Variants in DNMT3A observed in about 807,000 individuals in gnomAD.
DNMT3A encodes DNA (cytosine-5)-methyltransferase 3A.
A neutral mutation model predicts 117.6 loss-of-function variants in DNMT3A; 267 were observed. That is an observed-to-expected ratio of 2.27 (90% CI 2.05 to 2.51). DNMT3A has a LOEUF of 2.51. Ranked by LOEUF, DNMT3A falls within the 30% of genes most tolerant of loss-of-function variation. DNMT3A has a pLI of 0.00. For synonymous variants in DNMT3A, 432 were observed against 474.8 expected (o/e 0.91, Z 1.17); for missense variants, 1,029 against 1,260.2 (o/e 0.82, Z 2.78).
chr2:25,237,064 C>A lies in DNMT3A; in HGVS notation c.2409-59G>T. 6.4e-7 allele frequency: 1 copy of A among 1,566,828 alleles called. No individual in the cohort carries two copies. The highest frequency in any genetic ancestry group is 1.1e-5 in the South Asian group (1 of 87,362). ...ACCTGGATAACAGCGGGAAGGGCCC[C>A]AGCTGCACGACTCCCCTCCCTCCCC... On this transcript the variant is annotated intron_variant, in intron 20 of 22. Transcript: ENST00000321117. This position sits in a 1 kb window ranked among gnomAD's most constrained non-coding sequence, Gnocchi z 5.4.
Position 25,244,283 on chromosome 2 carries a change from C to G in DNMT3A, c.1723G>C (p.Ala575Pro). Reference sequence around the variant, plus strand: ...CAGTTCCAGGGGTCTTCCTTAATGGCTGCCTGGGCAGCCCCCGGCCCCACC... The same window carrying G: ...CAGTTCCAGGGGTCTTCCTTAATGGGTGCCTGGGCAGCCCCCGGCCCCACC... ...LLVGPGAAQA[A>P]IKEDPWNCYM... Residue 575 changes from alanine (A) to proline (P), a missense_variant, in exon 15 of 23, where the codon GCC becomes CCC. Coordinates refer to ENST00000321117, the MANE Select transcript of DNMT3A (RefSeq NM_022552.5). 4 of 1,612,992 alleles carry G rather than the reference C, an allele frequency of 2.5e-6. No homozygotes were observed. Among genetic ancestry groups the G allele is most frequent in the Non-Finnish European group, 3.4e-6 (4 of 1,179,578 alleles).
rs1173115230 is a variant in DNMT3A at position 25,228,491 on chromosome 2, A to G, written c.*5788T>C. 1 of 152,016 alleles carries G rather than the reference A, an allele frequency of 6.6e-6. No homozygotes were observed. The highest frequency in any genetic ancestry group is 1.9e-4 in the East Asian group (1 of 5,196). The allele number at this position is 152,016 out of a possible 1,614,324, so 9.4% of individuals were successfully genotyped here. On this transcript the variant is annotated 3_prime_UTR_variant, in exon 23 of 23. Transcript: ENST00000321117. ...GTTTATTCTTCAGTATGAATACATG[A>G]TTTCCCACAAATAAGTAAGCACCCG...
intron 6 of DNMT3A, among the ~76,000 whole-genome samples, chr2:25,271,213 A>G (rs1368842786): frequency 3.4e-5 from 5 of 147,330 alleles, no homozygotes; most frequent in Non-Finnish European, 7.5e-5. Context: ...CGGGTGTGTC[A>G]GCAGGTGCCT....
rs1012015453 is a variant in DNMT3A at position 25,332,315 on chromosome 2, G to A, written c.-178+9511C>T. Among the ~76,000 whole-genome samples, 20 of 152,140 alleles carry A rather than the reference G, an allele frequency of 1.3e-4. 1 individual carries two copies. The highest frequency in any genetic ancestry group is 5.9e-4 in the Admixed American group (9 of 15,276). Reference sequence around the variant, plus strand: ...GTCCACCTAGCTAACTGCTCCCTCCGCTTCGAGACTCAGCTCAAGCGTCAC... The same window carrying A: ...GTCCACCTAGCTAACTGCTCCCTCCACTTCGAGACTCAGCTCAAGCGTCAC... On this transcript the variant is annotated intron_variant, in intron 1 of 22. Transcript: ENST00000321117.
rs2149336982 is a variant in DNMT3A, at chr2:25,257,118, G to C, written c.640-8866C>G. Among the ~76,000 whole-genome samples, 1 of 152,326 alleles carries C rather than the reference G, an allele frequency of 6.6e-6. No individual in the cohort carries two copies. The highest frequency in any genetic ancestry group is 2.1e-4 in the South Asian group (1 of 4,832). ...CTTGCAATCCATATGGAGGTTGCAA[G>C]CAAATGACCAGGACTGGGCTGCTGG... On this transcript the variant is annotated intron_variant, in intron 6 of 22. Transcript: ENST00000321117. This position sits in a 1 kb window ranked among gnomAD's most constrained non-coding sequence, Gnocchi z 4.8.
Position 25,235,577 on chromosome 2 carries a change from C to G in DNMT3A, c.2597+130G>C, listed in dbSNP as rs765791686. The G allele has an allele frequency of 7.0e-6, 5 of 714,402 alleles. No homozygotes were observed. The Admixed American group carries it at 1.0e-4, about 15-fold the overall frequency. 44.3% of individuals were successfully genotyped at this position (714,402 alleles called of 1,614,324 possible). A position where few individuals can be genotyped will look rare whatever the true frequency, so the allele number is the denominator to read the frequency against. ...CAGGAGTCTGCCATGTTGGGAAATGCTTGATAAAACCCACTGTTCCCAGGA... is the reference window on the plus strand; with the variant it reads ...CAGGAGTCTGCCATGTTGGGAAATGGTTGATAAAACCCACTGTTCCCAGGA... On this transcript the variant is annotated intron_variant, in intron 22 of 22. Transcript: ENST00000321117.
rs189818873 is a variant in DNMT3A at position 25,287,987 on chromosome 2, A to T, written c.178-5276T>A. Among the ~76,000 whole-genome samples, 958 of 151,848 alleles carry T rather than the reference A, an allele frequency of 6.3e-3. 5 individuals carry two copies. The highest frequency in any genetic ancestry group is 8.5e-3 in the South Asian group (41 of 4,800). ...GTAGCTGGGATTACAGGTGTCTGCTATTACACTTGGCTAACTTTTTGTATT... is the reference window on the plus strand; with the variant it reads ...GTAGCTGGGATTACAGGTGTCTGCTTTTACACTTGGCTAACTTTTTGTATT... On this transcript the variant is annotated intron_variant, in intron 3 of 22. Transcript: ENST00000321117.
chr2:25,240,307 GAA>G lies in DNMT3A; in HGVS notation c.2315_2316del (p.Phe772SerfsTer9). 1 of 1,614,170 alleles carries G rather than the reference GAA, an allele frequency of 6.2e-7. No individual in the cohort carries two copies. Among genetic ancestry groups the G allele is most frequent in the Non-Finnish European group, 8.5e-7 (1 of 1,180,018 alleles). On this transcript the variant is annotated frameshift_variant, in exon 19 of 23. Transcript: ENST00000321117. LOFTEE classifies it high-confidence loss of function. ...ACCAAGGTTGCTGGCTATACCTCGA[GAA>G]ATCGCGAGATGTCCCTCTTGTCACT... ...GVSDKRDISR[F>X]LESNPVMIDA...
At chr2:25,289,717 C>T (rs1473345373) in intron 3 of DNMT3A, among the ~76,000 whole-genome samples, 2 of 152,186 alleles carry the variant, frequency 1.3e-5, no homozygotes, top group Non-Finnish European at 1.5e-5. Context: ...CAAGAAAGGC[C>T]GGGCAGAGGC....
Position 25,230,134 on chromosome 2 carries a change from A to G in DNMT3A, c.*4145T>C, listed in dbSNP as rs1672810684. On this transcript the variant is annotated 3_prime_UTR_variant, in exon 23 of 23. Transcript: ENST00000321117. ...TGCTCTCTTGGAAAGTTTGCTTTCC[A>G]ATAGGATGTTCAATAGCAAGAAGTC... 1 of 152,250 alleles carries G rather than the reference A, an allele frequency of 6.6e-6. No individual in the cohort carries two copies. 9.4% of individuals were successfully genotyped at this position (152,250 alleles called of 1,614,324 possible). A position where few individuals can be genotyped will look rare whatever the true frequency, so the allele number is the denominator to read the frequency against.
rs201699997 is a variant in DNMT3A at position 25,247,017 on chromosome 2, G to C, written c.1122+34C>G. The C allele has an allele frequency of 2.1e-5, 33 of 1,601,888 alleles. No homozygotes were observed. Among genetic ancestry groups the C allele is most frequent in the Non-Finnish European group, 2.6e-5 (31 of 1,173,756 alleles). ...ACTTCCAGGCCTCCTAGTGCTCTAG[G>C]CTCCTCCTCCGAGCTCCCAGCAGGG... On this transcript the variant is annotated intron_variant, in intron 9 of 22. Coordinates refer to ENST00000321117, the MANE Select transcript of DNMT3A (RefSeq NM_022552.5). This position sits in a 1 kb window ranked among gnomAD's most constrained non-coding sequence, Gnocchi z 5.6.
intron 20 of DNMT3A, among the ~76,000 whole-genome samples, chr2:25,238,502 G>A (rs566414591): frequency 6.6e-6 from 1 of 152,266 alleles, no homozygotes; most frequent in East Asian, 1.9e-4. Flanking sequence ...GCATGCTTTT[G>A]AATTGCCAAC....
intron 6 of DNMT3A, among the ~76,000 whole-genome samples, chr2:25,260,983 A>C (rs964318047): frequency 2.0e-5 from 3 of 152,044 alleles, no homozygotes; most frequent in African/African-American, 7.3e-5. Flanking sequence ...TGGGCGACAG[A>C]GCAAGACTCT....
At chr2:25,278,040 G>C (rs3220176) in intron 4 of DNMT3A, among the ~76,000 whole-genome samples, 91,434 of 141,978 alleles carry the variant, frequency 0.64, 28,414 homozygotes, top group South Asian at 0.73. Context: ...CACACACACA[G>C]ACACACACGC....
intron 1 of DNMT3A, among the ~76,000 whole-genome samples, chr2:25,318,084 T>C (rs946008234): frequency 4.6e-5 from 7 of 152,156 alleles, no homozygotes; most frequent in African/African-American, 1.7e-4. Flanking sequence ...TATTCCCCGA[T>C]TGGGCTCTAA....
At position 25,296,763 on chromosome 2, in the gene DNMT3A, AAGAC is replaced by A. The variant is rs777859146; in HGVS notation, c.177+3372_177+3375del. Among the ~76,000 whole-genome samples, 41 of 152,354 alleles carry A rather than the reference AAGAC, an allele frequency of 2.7e-4. No individual in the cohort carries two copies. The highest frequency in any genetic ancestry group is 1.2e-3 in the Admixed American group (19 of 15,312). ...CAGGGACAGATGCCTGTTGAAGGCC[AAGAC>A]AGACAGTCCTTGGGGGCAAAAGGAG... On this transcript the variant is annotated intron_variant, in intron 3 of 22. Coordinates refer to ENST00000321117, the MANE Select transcript of DNMT3A (RefSeq NM_022552.5). The surrounding 1 kb of genome is among the most constrained non-coding windows in gnomAD (Gnocchi z 4.2).
At chr2:25,255,239 T>C (rs1676009839) in intron 6 of DNMT3A, among the ~76,000 whole-genome samples, 1 of 152,016 alleles carries the variant, frequency 6.6e-6, no homozygotes, top group African/African-American at 2.4e-5. Context: ...AAAGGAAAAA[T>C]CCCCTTACTA....
At chr2:25,342,132 C>G (rs1170323013), upstream of DNMT3A, among the ~76,000 whole-genome samples, 5 of 144,554 alleles carry the variant, frequency 3.5e-5, no homozygotes, top group East Asian at 8.3e-4. The surrounding 1 kb of genome is among the most constrained non-coding windows in gnomAD (Gnocchi z 5.9). Flanking sequence ...GCCCCGGCCC[C>G]GGCGCTGCGG....
intron 5 of DNMT3A, 53 bp from the exon 6 acceptor site, chr2:25,275,140 C>A: frequency 1.3e-6 from 2 of 1,501,828 alleles, no homozygotes; most frequent in Non-Finnish European, 1.8e-6. Flanking sequence ...GACGGACCCA[C>A]CAAGGAGGCA....
Sources: gnomAD v4.1 joint callset for allele counts (sites outside exome capture counted in the v4.1 genomes callset) on GRCh38, gnomAD v4.1.1 for gene constraint, Gnocchi (gnomAD v3.1) non-coding constraint, MANE v1.5 for transcripts, NCBI Gene and HGNC (gene_info 2026-07-23, HGNC 2026-07-21) for gene names.